Variants in KCNH5 observed in about 807,000 individuals in gnomAD.
The protein encoded by KCNH5 is potassium voltage-gated channel subfamily H member 5, also known as voltage-gated delayed rectifier potassium channel KCNH5.
Under a neutral mutation model 96.1 loss-of-function variants are expected in KCNH5, and 46 were observed. The ratio of observed to expected loss-of-function variants is 0.48; its 90% confidence interval spans 0.38 to 0.61. The LOEUF (loss-of-function observed/expected upper bound fraction) is 0.61, where lower values mean the gene tolerates loss of function less well. Ranked by LOEUF, KCNH5 falls within the 20% of genes least tolerant of loss-of-function variation. The pLI is 0.00. For missense variants in KCNH5, 907 were observed against 1,225.8 expected, an observed-to-expected ratio of 0.74 and a Z score of 3.88; for synonymous variants, 439 against 449.8, an observed-to-expected ratio of 0.98 and a Z score of 0.30.
intron 9 of KCNH5, among the ~76,000 whole-genome samples, chr14:62,796,178 A>G (rs951265803): frequency 2.2e-4 from 34 of 152,166 alleles, no homozygotes; most frequent in Admixed American, 1.8e-3. Flanking sequence ...TAGGAAGATT[A>G]TTGTGGTGGC....
At chr14:62,887,155 G>A (rs529399064) in intron 7 of KCNH5, among the ~76,000 whole-genome samples, 3 of 152,060 alleles carry the variant, frequency 2.0e-5, no homozygotes, top group Admixed American at 6.6e-5. Context: ...GCAGAAATCC[G>A]AGAAAATACA....
chr14:62,877,826 C>T (rs1330345115), intron 7 of KCNH5, among the ~76,000 whole-genome samples: 1 of 151,814 alleles, frequency 6.6e-6, no homozygotes, highest in East Asian at 1.9e-4. Flanking sequence ...ACCATTTGAT[C>T]CAGCCATCCC....
intron 7 of KCNH5, among the ~76,000 whole-genome samples, chr14:62,864,313 T>C (rs1888092699): frequency 1.3e-5 from 2 of 152,200 alleles, no homozygotes; most frequent in Admixed American, 1.3e-4. Context: ...TAAAGAGCAA[T>C]TAGGTCAATT....
chr14:62,842,846 T>G (rs1887613244), intron 8 of KCNH5, among the ~76,000 whole-genome samples: 1 of 152,324 alleles, frequency 6.6e-6, no homozygotes, highest in Middle Eastern at 3.4e-3. Flanking sequence ...TTACAGATTT[T>G]TATACTATAA....
chr14:62,944,977 T>C (rs1380237797), intron 7 of KCNH5, among the ~76,000 whole-genome samples: 1 of 152,084 alleles, frequency 6.6e-6, no homozygotes, highest in Non-Finnish European at 1.5e-5. Flanking sequence ...CAACCAACTT[T>C]AAAACTAGGT....
Position 62,981,205 on chromosome 14 carries a change from T to C in KCNH5, c.609A>G (p.Pro203=), listed in dbSNP as rs1282736424. The C allele has an allele frequency of 6.2e-7, 1 of 1,614,052 alleles. No individual in the cohort carries two copies. Among genetic ancestry groups the C allele is most frequent in the African/African-American group, 1.3e-5 (1 of 74,946 alleles). Residue 203 remains proline (P), a synonymous_variant, in exon 6 of 11, where the codon CCA becomes CCG. Coordinates refer to ENST00000322893, the MANE Select transcript of KCNH5 (RefSeq NM_139318.5). ...CACAATAATGTAAAATAATGTGTGG[T>C]GGCGTCTTTGGCGCTTCTTGTTTAT... ...PQYKQEAPKT[P]PHIILHYCAF... is the part of the protein sequence containing the mutation.
At chr14:62,803,311 A>G (rs1400979684) in intron 8 of KCNH5, among the ~76,000 whole-genome samples, 2 of 152,222 alleles carry the variant, frequency 1.3e-5, no homozygotes, top group African/African-American at 2.4e-5. Context: ...TCCACATTGG[A>G]GGTGGATTCA....
Position 62,923,441 on chromosome 14 carries a change from G to A in KCNH5, c.1369+26692C>T, listed in dbSNP as rs1889415748. Among the ~76,000 whole-genome samples the A allele has an allele frequency of 2.6e-5, 4 of 152,020 alleles. No homozygotes were observed. The South Asian group carries it at 8.3e-4, about 32-fold the overall frequency. On this transcript the variant is annotated intron_variant, in intron 7 of 10. Coordinates refer to ENST00000322893, the MANE Select transcript of KCNH5 (RefSeq NM_139318.5). Reference sequence around the variant, plus strand: ...ATGCAATTCCTATCAAGATTCCAATGACATTTTTCAGAAAAATAGAAAAAC... The same window carrying A: ...ATGCAATTCCTATCAAGATTCCAATAACATTTTTCAGAAAAATAGAAAAAC...
chr14:62,714,089 C>T (rs1884631890), intron 10 of KCNH5, among the ~76,000 whole-genome samples: 1 of 151,430 alleles, frequency 6.6e-6, no homozygotes, highest in Non-Finnish European at 1.5e-5. Flanking sequence ...TTGAGACCAC[C>T]CTGGGTAACA....
At chr14:62,949,069 A>G (rs1889949895) in intron 7 of KCNH5, among the ~76,000 whole-genome samples, 1 of 151,672 alleles carries the variant, frequency 6.6e-6, no homozygotes, top group African/African-American at 2.4e-5. Flanking sequence ...AATGGGCAAA[A>G]ACTGGAAGCA....
chr14:62,704,338 C>G lies in KCNH5; in HGVS notation c.*3170G>C, dbSNP rs991881702. The G allele has an allele frequency of 2.2e-4, 34 of 151,896 alleles. No homozygotes were observed. The highest frequency in any genetic ancestry group is 1.5e-3 in the Admixed American group (23 of 15,254). The allele number at this position is 151,896 out of a possible 1,614,324, so 9.4% of individuals were successfully genotyped here. A position where few individuals can be genotyped will look rare whatever the true frequency, so the allele number is the denominator to read the frequency against. On this transcript the variant is annotated 3_prime_UTR_variant, in exon 11 of 11. Transcript: ENST00000322893. ...TGGGCCTGTATTCAACCACGTCATT[C>G]AATTCAACCACTGTGCCTGAACCAT...
chr14:62,862,301 T>C (rs1354658207), intron 7 of KCNH5, among the ~76,000 whole-genome samples: 2 of 152,138 alleles, frequency 1.3e-5, no homozygotes, highest in Non-Finnish European at 2.9e-5. Context: ...ATAACCTAAA[T>C]AGTTTGGGGT....
intron 7 of KCNH5, among the ~76,000 whole-genome samples, chr14:62,893,725 G>A (rs369063470): frequency 1.1e-4 from 17 of 151,560 alleles, no homozygotes; most frequent in East Asian, 3.9e-4. Context: ...ACTTCAGCCT[G>A]GGCGACAGAG....
At chr14:62,820,055 G>C (rs1887083559) in intron 8 of KCNH5, among the ~76,000 whole-genome samples, 1 of 152,102 alleles carries the variant, frequency 6.6e-6, no homozygotes, top group East Asian at 1.9e-4. Context: ...GCTCCAAAAA[G>C]TTTCCACATG....
At chr14:62,956,970 C>G (rs1408588418) in intron 6 of KCNH5, among the ~76,000 whole-genome samples, 2 of 152,206 alleles carry the variant, frequency 1.3e-5, no homozygotes, top group Non-Finnish European at 2.9e-5. Context: ...TCTATCCCAG[C>G]CTCTGAGCTA....
chr14:62,954,905 C>CA (rs2140133910), intron 6 of KCNH5, among the ~76,000 whole-genome samples: 1 of 152,170 alleles, frequency 6.6e-6, no homozygotes, highest in South Asian at 2.1e-4. Flanking sequence ...TTCACTACCA[C>CA]AAAAATAGTA....
intron 10 of KCNH5, among the ~76,000 whole-genome samples, chr14:62,753,707 GA>G (rs1885554752): frequency 6.6e-6 from 1 of 151,844 alleles, no homozygotes; most frequent in South Asian, 2.1e-4. Context: ...AAGTACTAAA[GA>G]AAAAAACCCT....
Position 62,961,946 on chromosome 14 carries a change from C to G in KCNH5, c.943-11387G>C, listed in dbSNP as rs558973282. 1.5e-4 allele frequency among the ~76,000 whole-genome samples: 21 copies of G among 140,168 alleles called. 1 individual carries two copies. In the South Asian group the frequency reaches 4.8e-3, roughly 32 times the overall value. 92.0% of individuals were successfully genotyped at this position (140,168 alleles called of 152,430 possible). On this transcript the variant is annotated intron_variant, in intron 6 of 10. Coordinates refer to ENST00000322893, the MANE Select transcript of KCNH5 (RefSeq NM_139318.5). Reference sequence around the variant, plus strand: ...GGAGATGGAGATGCAGATGGAGATGCAGATGGAGTTACAGATGGAGACGGA... The same window carrying G: ...GGAGATGGAGATGCAGATGGAGATGGAGATGGAGTTACAGATGGAGACGGA...
intron 4 of KCNH5, among the ~76,000 whole-genome samples, chr14:62,989,827 A>T (rs1431438475): frequency 6.6e-6 from 1 of 152,080 alleles, no homozygotes; most frequent in African/African-American, 2.4e-5. Context: ...TTTTATTATC[A>T]TTGGTTTTTG....
Sources: gnomAD v4.1 joint callset for allele counts (sites outside exome capture counted in the v4.1 genomes callset) on GRCh38, gnomAD v4.1.1 for gene constraint, MANE v1.5 for transcripts, NCBI Gene and HGNC (gene_info 2026-07-23, HGNC 2026-07-21) for gene names.